Variants in NYAP2 observed in about 807,000 individuals in gnomAD.
The protein encoded by NYAP2 is neuronal tyrosine-phosphorylated phosphoinositide-3-kinase adaptor 2, also known as neuronal tyrosine-phosphorylated phosphoinositide-3-kinase adapter 2.
A neutral mutation model predicts 50.4 loss-of-function variants in NYAP2; 23 were observed. The ratio of observed to expected loss-of-function variants is 0.46; its 90% confidence interval spans 0.33 to 0.65. The LOEUF (loss-of-function observed/expected upper bound fraction) is 0.65, where lower values mean the gene tolerates loss of function less well. Among genes scored for constraint, NYAP2 ranks in the 30% least tolerant of loss-of-function variants. NYAP2 has a pLI of 0.02. For synonymous variants in NYAP2, 394 were observed against 365.2 expected (o/e 1.08, Z -0.90); for missense variants, 885 against 861.0 (o/e 1.03, Z -0.35).
At chr2:225,598,743 A>T (rs1692648887) in intron 5 of NYAP2, among the ~76,000 whole-genome samples, 1 of 152,220 alleles carries the variant, frequency 6.6e-6, no homozygotes, top group South Asian at 2.1e-4. Context: ...ATAGACACAA[A>T]TGGCTTCATT....
intron 3 of NYAP2, among the ~76,000 whole-genome samples, chr2:225,429,403 G>A (rs1006052066): frequency 4.6e-5 from 7 of 152,136 alleles, no homozygotes; most frequent in Non-Finnish European, 1.0e-4. Flanking sequence ...CTTTCACATC[G>A]GATCCGTAAT....
chr2:225,553,839 C>T (rs1193941385), intron 4 of NYAP2, among the ~76,000 whole-genome samples: 2 of 152,000 alleles, frequency 1.3e-5, no homozygotes, highest in Non-Finnish European at 2.9e-5. Context: ...GAGTTCGACA[C>T]CAGCCTGGCC....
intron 3 of NYAP2, among the ~76,000 whole-genome samples, chr2:225,459,134 C>G (rs567750936): frequency 1.3e-5 from 2 of 152,158 alleles, no homozygotes; most frequent in African/African-American, 4.8e-5. Flanking sequence ...GATTAAAAAT[C>G]TATGTAATAT....
At chr2:225,535,089 CT>C (rs1005331480) in intron 4 of NYAP2, among the ~76,000 whole-genome samples, 2 of 152,190 alleles carry the variant, frequency 1.3e-5, no homozygotes, top group African/African-American at 4.8e-5. Flanking sequence ...CGGCTAATAG[CT>C]TTTGGGTGTC....
At chr2:225,684,394 C>T in the NYAP2 span, among the ~76,000 whole-genome samples, 1 of 149,548 alleles carries the variant, frequency 6.7e-6, no homozygotes, top group East Asian at 2.0e-4. Flanking sequence ...TGCTATGTTT[C>T]TTTCTCTCTC....
chr2:225,648,899 A>C (rs181078241), intron 6 of NYAP2, among the ~76,000 whole-genome samples: 150 of 152,292 alleles, frequency 9.8e-4, no homozygotes, highest in Middle Eastern at 3.4e-3. Flanking sequence ...TTCTTAAGAG[A>C]GAAGGTGCAG....
At chr2:225,522,399 A>G (rs1163969394) in intron 4 of NYAP2, among the ~76,000 whole-genome samples, 1 of 152,148 alleles carries the variant, frequency 6.6e-6, no homozygotes, top group Non-Finnish European at 1.5e-5. Flanking sequence ...TGTTTAGTAA[A>G]GTCATGTCTT....
chr2:225,496,915 A>ATT (rs552770034), intron 3 of NYAP2, among the ~76,000 whole-genome samples: 1 of 149,034 alleles, frequency 6.7e-6, no homozygotes, highest in African/African-American at 2.5e-5. Flanking sequence ...GTAATGGAGA[A>ATT]TTTTTTTTTT....
chr2:225,475,465 T>C (rs1430094651), intron 3 of NYAP2, among the ~76,000 whole-genome samples: 7 of 152,190 alleles, frequency 4.6e-5, no homozygotes, highest in Non-Finnish European at 2.9e-5. Context: ...TTCAGTTTCA[T>C]TTGATGTATA....
the NYAP2 span, chr2:225,703,540 A>T: frequency 1.3e-5 from 2 of 151,810 alleles, no homozygotes; most frequent in African/African-American, 4.8e-5. Flanking sequence ...AAGTAACCAG[A>T]TGTTGTTTGA....
the NYAP2 span, among the ~76,000 whole-genome samples, chr2:225,662,642 G>C: frequency 6.6e-6 from 1 of 152,232 alleles, no homozygotes; most frequent in Non-Finnish European, 1.5e-5. Flanking sequence ...ATTTTGACAG[G>C]GATGGCATTT....
intron 3 of NYAP2, among the ~76,000 whole-genome samples, chr2:225,507,471 G>GC (rs1690727543): frequency 6.6e-6 from 1 of 152,188 alleles, no homozygotes; most frequent in Non-Finnish European, 1.5e-5. Context: ...GTTTTGAAGT[G>GC]CTTGTTTTGT....
chr2:225,598,916 A>G (rs999155188), intron 5 of NYAP2, among the ~76,000 whole-genome samples: 2 of 152,210 alleles, frequency 1.3e-5, no homozygotes, highest in Non-Finnish European at 2.9e-5. Flanking sequence ...AACAGCCCTG[A>G]CCTACTTCCA....
chr2:225,541,265 C>A (rs1022775865), intron 4 of NYAP2, among the ~76,000 whole-genome samples: 3 of 151,840 alleles, frequency 2.0e-5, no homozygotes, highest in Non-Finnish European at 2.9e-5. Flanking sequence ...TTTATTGTTT[C>A]CTTTGCTGTT....
chr2:225,576,980 A>C (rs1238009878), intron 4 of NYAP2, among the ~76,000 whole-genome samples: 3 of 152,076 alleles, frequency 2.0e-5, no homozygotes, highest in Non-Finnish European at 2.9e-5. Flanking sequence ...TCTTGGGTCA[A>C]GAACACCTAC....
chr2:225,551,865 C>T (rs113576577), intron 4 of NYAP2, among the ~76,000 whole-genome samples: 4,776 of 152,158 alleles, frequency 0.031, 194 homozygotes, highest in African/African-American at 0.094. Flanking sequence ...TAGGCTGGAG[C>T]GCAGTGGTGC....
chr2:225,515,158 A>C (rs1690905344), intron 4 of NYAP2, among the ~76,000 whole-genome samples: 1 of 152,050 alleles, frequency 6.6e-6, no homozygotes, highest in African/African-American at 2.4e-5. Context: ...CTACAAAAAA[A>C]CTCCTGTGGC....
chr2:225,567,036 T>C (rs1174821497), intron 4 of NYAP2, among the ~76,000 whole-genome samples: 1 of 151,980 alleles, frequency 6.6e-6, no homozygotes, highest in African/African-American at 2.4e-5. Flanking sequence ...CATGATAGAG[T>C]GTACTTACCC....
At chr2:225,683,333 G>A in the NYAP2 span, among the ~76,000 whole-genome samples, 3 of 152,200 alleles carry the variant, frequency 2.0e-5, no homozygotes, top group Middle Eastern at 3.4e-3. Flanking sequence ...CCATTTTCTG[G>A]GTAATAACTT....
Sources: gnomAD v4.1 joint callset for allele counts (sites outside exome capture counted in the v4.1 genomes callset) on GRCh38, gnomAD v4.1.1 for gene constraint, MANE v1.5 for transcripts, NCBI Gene and HGNC (gene_info 2026-07-23, HGNC 2026-07-21) for gene names.